Variants in MIPEP observed in about 807,000 individuals in gnomAD.
MIPEP encodes the protein mitochondrial intermediate peptidase.
A neutral mutation model predicts 90.3 loss-of-function variants in MIPEP; 79 were observed. The ratio of observed to expected loss-of-function variants is 0.87; its 90% CI spans 0.73 to 1.05. The LOEUF (loss-of-function observed/expected upper bound fraction) is 1.05, where lower values mean the gene tolerates loss of function less well. Ranked by LOEUF, MIPEP falls within the 50% of genes least tolerant of loss-of-function variation. The pLI, the probability that MIPEP is intolerant of heterozygous loss-of-function variation, is 0.00. For synonymous variants in MIPEP, 334 were observed against 315.8 expected (o/e 1.06, Z -0.61); for missense variants, 940 against 905.6 (o/e 1.04, Z -0.49).
intron 18 of MIPEP, 85 bp from the exon 19 acceptor site, chr13:23,730,530 G>A: frequency 1.2e-6 from 1 of 815,698 alleles, no homozygotes. Context: ...ACACACTAGA[G>A]GAACACTCTG....
At chr13:23,792,295 T>A (rs1952905052) in intron 16 of MIPEP, among the ~76,000 whole-genome samples, 1 of 152,234 alleles carries the variant, frequency 6.6e-6, no homozygotes, top group African/African-American at 2.4e-5. Flanking sequence ...ACTACCTATT[T>A]GACATCTTTT....
rs554493488 is a variant in MIPEP at position 23,844,573 on chromosome 13, A to C, written c.1107-3085T>G. Among the ~76,000 whole-genome samples, 229 of 152,356 alleles carry C rather than the reference A, an allele frequency of 1.5e-3. 2 individuals are homozygous for C. Among genetic ancestry groups the C allele is most frequent in the Middle Eastern group, 6.8e-3 (2 of 294 alleles). On this transcript the variant is annotated intron_variant, in intron 10 of 18. Transcript: ENST00000382172. The stretch of plus-strand genomic sequence containing the variant: ...GAAAGTTTAAACTATAATTGGTTAT[A>C]AAAAGCAATTCATTTTTTTGTTTCC...
At chr13:23,739,806 G>A (rs976095260) in intron 18 of MIPEP, among the ~76,000 whole-genome samples, 2 of 152,214 alleles carry the variant, frequency 1.3e-5, no homozygotes, top group African/African-American at 2.4e-5. Context: ...TTTATCAAAA[G>A]GAAATGTTTA....
At chr13:23,843,306 G>A (rs1156489771) in intron 10 of MIPEP, among the ~76,000 whole-genome samples, 2 of 152,068 alleles carry the variant, frequency 1.3e-5, no homozygotes, top group African/African-American at 4.8e-5. Context: ...AAGAATGGGA[G>A]CGGAGTCTGG....
chr13:23,800,930 C>T (rs755896715), intron 16 of MIPEP, among the ~76,000 whole-genome samples: 14 of 152,076 alleles, frequency 9.2e-5, no homozygotes, highest in Non-Finnish European at 1.8e-4. Context: ...ATAACTAGTG[C>T]GACACTTTAT....
chr13:23,858,820 T>G, intron 10 of MIPEP, 40 bp downstream of exon 10: 1 of 1,579,604 alleles, frequency 6.3e-7, no homozygotes, highest in Non-Finnish European at 8.7e-7. Flanking sequence ...ATTAGTTTCC[T>G]TTTTCCTTTT....
intron 4 of MIPEP, among the ~76,000 whole-genome samples, chr13:23,875,954 A>G (rs1305441618): frequency 2.0e-5 from 3 of 152,312 alleles, no homozygotes; most frequent in Non-Finnish European, 4.4e-5. Context: ...ACGTTCTTCA[A>G]AAAGTTGGCT....
At chr13:23,767,895 G>GAAAT (rs1291765499) in intron 16 of MIPEP, among the ~76,000 whole-genome samples, 6 of 151,906 alleles carry the variant, frequency 3.9e-5, no homozygotes, top group Admixed American at 6.6e-5. Flanking sequence ...TTTCCTTTTA[G>GAAAT]AAACAGAATA....
intron 7 of MIPEP, among the ~76,000 whole-genome samples, chr13:23,867,964 CTAT>C: frequency 6.6e-6 from 1 of 151,316 alleles, no homozygotes; most frequent in South Asian, 2.1e-4. Context: ...AAATATGGTA[CTAT>C]TATAATCAAA....
chr13:23,759,031 T>G (rs1437059750), intron 17 of MIPEP, among the ~76,000 whole-genome samples: 1 of 152,158 alleles, frequency 6.6e-6, no homozygotes, highest in African/African-American at 2.4e-5. Context: ...ATAGCACTCA[T>G]CAGCCAAAGT....
intron 16 of MIPEP, among the ~76,000 whole-genome samples, chr13:23,776,543 A>T (rs1565990031): frequency 6.6e-6 from 1 of 152,230 alleles, no homozygotes; most frequent in Non-Finnish European, 1.5e-5. Context: ...TGTCTTGTAC[A>T]TGTATATATC....
intron 14 of MIPEP, among the ~76,000 whole-genome samples, chr13:23,823,723 G>C: frequency 6.6e-6 from 1 of 152,174 alleles, no homozygotes; most frequent in East Asian, 1.9e-4. Context: ...AGCTACTTGG[G>C]AGGCTGGGGC....
chr13:23,771,522 T>C lies in MIPEP; in HGVS notation c.1849-11305A>G, dbSNP rs1393777989. On this transcript the variant is annotated intron_variant, in intron 16 of 18. Transcript: ENST00000382172. ...AACAAATAGGTAACATGTAACTAATTTGCTGACTACACACACACACACACA... is the reference window on the plus strand; with the variant it reads ...AACAAATAGGTAACATGTAACTAATCTGCTGACTACACACACACACACACA... Among the ~76,000 whole-genome samples the C allele has an allele frequency of 2.3e-5, 3 of 133,182 alleles. 1 individual carries two copies. The highest frequency in any genetic ancestry group is 6.8e-3 in the Middle Eastern group (2 of 292). 87.4% of individuals were successfully genotyped at this position (133,182 alleles called of 152,430 possible).
At chr13:23,858,344 T>C (rs1340775349) in intron 10 of MIPEP, among the ~76,000 whole-genome samples, 2 of 152,016 alleles carry the variant, frequency 1.3e-5, no homozygotes, top group African/African-American at 2.4e-5. Flanking sequence ...GTTCCTTAAA[T>C]CTTTATTTCA....
chr13:23,833,537 G>C (rs180872555), intron 14 of MIPEP, among the ~76,000 whole-genome samples: 1 of 152,266 alleles, frequency 6.6e-6, no homozygotes, highest in East Asian at 1.9e-4. Context: ...CTTGCATCTA[G>C]TTCAACAATA....
chr13:23,851,614 A>T (rs1293216681), intron 10 of MIPEP, among the ~76,000 whole-genome samples: 2 of 152,152 alleles, frequency 1.3e-5, no homozygotes, highest in African/African-American at 4.8e-5. Flanking sequence ...GACTGCAGAG[A>T]TCCTGTCAGC....
chr13:23,754,918 G>A (rs1952475831), intron 18 of MIPEP, among the ~76,000 whole-genome samples: 1 of 152,232 alleles, frequency 6.6e-6, no homozygotes, highest in South Asian at 2.1e-4. Context: ...CTGTCTGACA[G>A]TACAGGCAGC....
intron 14 of MIPEP, among the ~76,000 whole-genome samples, chr13:23,832,213 A>G (rs948130100): frequency 2.6e-5 from 4 of 152,040 alleles, no homozygotes; most frequent in African/African-American, 9.7e-5. Context: ...AGGAAGAGAG[A>G]CCTGAGCTAG....
intron 14 of MIPEP, among the ~76,000 whole-genome samples, chr13:23,822,816 T>C (rs1953323432): frequency 6.6e-6 from 1 of 151,612 alleles, no homozygotes; most frequent in Non-Finnish European, 1.5e-5. Flanking sequence ...TTTTCCTAAA[T>C]ATGGATTGTA....
Sources: gnomAD v4.1 joint callset for allele counts (sites outside exome capture counted in the v4.1 genomes callset) on GRCh38, gnomAD v4.1.1 for gene constraint, MANE v1.5 for transcripts, NCBI Gene and HGNC (gene_info 2026-07-23, HGNC 2026-07-21) for gene names.